PCDHA3: variants seen among roughly 807,000 people sequenced by gnomAD.
PCDHA3 encodes protocadherin alpha-3.
A neutral mutation model predicts 62.2 loss-of-function variants in PCDHA3; 41 were observed. The observed-to-expected ratio is 0.66, with a 90% CI of 0.51 to 0.86. The LOEUF (loss-of-function observed/expected upper bound fraction) is 0.86. Ranked by LOEUF, PCDHA3 falls within the 40% of genes least tolerant of loss-of-function variation. PCDHA3 has a pLI of 0.00. For synonymous variants in PCDHA3, 640 were observed against 555.4 expected, an observed-to-expected ratio of 1.15 and a Z score of -2.14; for missense variants, 1,304 against 1,241.2, an observed-to-expected ratio of 1.05 and a Z score of -0.76.
At chr5:140,823,656 A>G (rs2150127966) in intron 1 of PCDHA3, 2 of 1,613,972 alleles carry the variant, frequency 1.2e-6, no homozygotes, top group Non-Finnish European at 1.7e-6. Flanking sequence ...GGCTGTACAC[A>G]GGCGAGATCA....
At chr5:140,999,280 T>C (rs782502393) in intron 3 of PCDHA3, among the ~76,000 whole-genome samples, 2 of 152,228 alleles carry the variant, frequency 1.3e-5, no homozygotes, top group Non-Finnish European at 2.9e-5. Context: ...ATAGTAGTAA[T>C]ACCCATTCTT....
chr5:140,842,399 C>A, intron 1 of PCDHA3: 1 of 1,611,446 alleles, frequency 6.2e-7, no homozygotes, highest in Non-Finnish European at 8.5e-7. Flanking sequence ...CTTGCCTGTA[C>A]GTGAAGACGC....
chr5:140,882,382 A>G (rs782774831), intron 1 of PCDHA3: 5 of 1,614,092 alleles, frequency 3.1e-6, no homozygotes, highest in Non-Finnish European at 4.2e-6. Context: ...TCCCCGAGGA[A>G]GCAAAACACG....
intron 1 of PCDHA3, chr5:140,806,949 TGG>T: frequency 1.7e-6 from 1 of 585,050 alleles, no homozygotes. Context: ...GTAGAGTGTG[TGG>T]GGGTTTCCAC....
At chr5:140,837,860 G>A (rs2150280331) in intron 1 of PCDHA3, among the ~76,000 whole-genome samples, 4 of 151,378 alleles carry the variant, frequency 2.6e-5, no homozygotes, top group Admixed American at 6.6e-5. Context: ...TTTTATTTTT[G>A]TAGAGACAGG....
chr5:140,882,262 G>A (rs907928710), intron 1 of PCDHA3: 14 of 1,605,126 alleles, frequency 8.7e-6, no homozygotes, highest in Non-Finnish European at 1.2e-5. Flanking sequence ...GGTTTTTGGA[G>A]TGTACCATGC....
At chr5:140,822,934 T>G in intron 1 of PCDHA3, 10 of 1,614,238 alleles carry the variant, frequency 6.2e-6, no homozygotes, top group Non-Finnish European at 6.8e-6. Flanking sequence ...GGTGACCTGC[T>G]CCCTAATGCC....
At chr5:140,964,212 A>G (rs1195642946) in intron 1 of PCDHA3, among the ~76,000 whole-genome samples, 11 of 152,244 alleles carry the variant, frequency 7.2e-5, no homozygotes, top group African/African-American at 2.7e-4. Flanking sequence ...TCTTTAGTAC[A>G]ATGTCTTTCA....
In PCDHA3 at chr5:140,803,551, G is replaced by A. The variant is rs374412215; in HGVS notation, c.2354G>A (p.Arg785Lys). 3.6e-5 allele frequency: 58 copies of A among 1,614,242 alleles called. No individual in the cohort carries two copies. The African/African-American group carries it at 4.8e-4, about 13-fold the overall frequency. ...CCTCCTTGTCCAATTAGCCGGGATAGAGAGGAGAAACAGGATGTGGACGTT... is the reference window on the plus strand; with the variant it reads ...CCTCCTTGTCCAATTAGCCGGGATAAAGAGGAGAAACAGGATGTGGACGTT... Reference protein sequence around the residue: ...SLPPCPISRDREEKQDVDVDL... With the variant: ...SLPPCPISRDKEEKQDVDVDL... Residue 785 changes from arginine to lysine, a missense_variant, in exon 1 of 4, where the codon AGA (arginine) becomes AAA (lysine). Arg to Lys is a conservative substitution (Grantham distance 26, BLOSUM62 2). Transcript: ENST00000522353.
At chr5:140,942,757 T>C (rs2093364947) in intron 1 of PCDHA3, among the ~76,000 whole-genome samples, 1 of 152,174 alleles carries the variant, frequency 6.6e-6, no homozygotes, top group South Asian at 2.1e-4. Context: ...ATAAATGAGA[T>C]GGCATAATGT....
intron 1 of PCDHA3, chr5:140,882,139 A>G (rs1185324508): frequency 6.0e-6 from 9 of 1,489,890 alleles, no homozygotes; most frequent in South Asian, 4.2e-5. Context: ...TGCAGAAAAT[A>G]TAGCAGAAAG....
chr5:140,850,669 C>T lies in PCDHA3; in HGVS notation c.2394+47078C>T, dbSNP rs2150493050. 128 of 1,598,504 alleles carry T rather than the reference C, an allele frequency of 8.0e-5. 13 individuals are homozygous for T. The highest frequency in any genetic ancestry group is 3.3e-4 in the Middle Eastern group (2 of 5,998). The stretch of plus-strand genomic sequence containing the variant: ...CTGTACACTGTGCTGCGGTGCTCGG[C>T]GATGCCCACCGAGGGCGAGTGCGCG... On this transcript the variant is annotated intron_variant, in intron 1 of 3. Transcript: ENST00000522353.
chr5:140,902,324 C>T (rs1554190388), intron 1 of PCDHA3, among the ~76,000 whole-genome samples: 1 of 151,472 alleles, frequency 6.6e-6, no homozygotes, highest in Non-Finnish European at 1.5e-5. Flanking sequence ...AGGTGTAACT[C>T]ACTTCGCCTG....
intron 1 of PCDHA3, among the ~76,000 whole-genome samples, chr5:140,934,801 A>G (rs1470129792): frequency 1.3e-5 from 2 of 152,194 alleles, no homozygotes; most frequent in Non-Finnish European, 2.9e-5. Flanking sequence ...TATCTTTTTA[A>G]TGATCAAATT....
intron 1 of PCDHA3, chr5:140,817,147 A>G (rs1185390930): frequency 1.3e-5 from 2 of 152,232 alleles, no homozygotes; most frequent in Non-Finnish European, 2.9e-5. Flanking sequence ...GCCAGGTTCC[A>G]TCAGTGCTCT....
chr5:140,828,954 T>G, intron 1 of PCDHA3: 1 of 1,614,236 alleles, frequency 6.2e-7, no homozygotes, highest in Non-Finnish European at 8.5e-7. Flanking sequence ...GTTGCAGCCA[T>G]GGTTATTGAC....
At chr5:140,955,096 T>G (rs1366148224) in intron 1 of PCDHA3, among the ~76,000 whole-genome samples, 1 of 152,178 alleles carries the variant, frequency 6.6e-6, no homozygotes, top group Non-Finnish European at 1.5e-5. Flanking sequence ...GTGTGTGGTG[T>G]TATTTCTGAG....
Position 140,978,996 on chromosome 5 carries a change from A to C in PCDHA3, c.2442A>C (p.Ala814=). Residue 814 remains alanine, a synonymous_variant, in exon 2 of 4, where the codon GCA becomes GCC. Transcript: ENST00000522353. ...GGCGTTACTCTGCCTCCCTGAGAGC[A>C]GGCATGCACAGGTATGTATTTCCCT... ...PDWRYSASLR[A]GMHSSVHLEE... is the part of the protein sequence containing the mutation. 6.2e-7 allele frequency: 1 copy of C among 1,614,186 alleles called. No individual in the cohort carries two copies. The highest frequency in any genetic ancestry group is 8.5e-7 in the Non-Finnish European group (1 of 1,180,024).
chr5:140,850,124 G>C lies in PCDHA3; in HGVS notation c.2394+46533G>C, dbSNP rs1321633502. On this transcript the variant is annotated intron_variant, in intron 1 of 3. Coordinates refer to ENST00000522353, the MANE Select transcript of PCDHA3 (RefSeq NM_018906.3). ...TGAGCGCGCGCGACGCGGGCGTGCCGCCTCTGGGCAGCAACGTGACGCTGC... is the reference window on the plus strand; with the variant it reads ...TGAGCGCGCGCGACGCGGGCGTGCCCCCTCTGGGCAGCAACGTGACGCTGC... The C allele has an allele frequency of 1.9e-6, 3 of 1,595,828 alleles. 1 individual carries two copies. The highest frequency in any genetic ancestry group is 2.7e-5 in the African/African-American group (2 of 74,384).
Sources: allele counts gnomAD v4.1 joint callset (sites outside exome capture counted in the v4.1 genomes callset), GRCh38; gene constraint gnomAD v4.1.1; transcripts MANE v1.5; gene names NCBI Gene and HGNC (gene_info 2026-07-23, HGNC 2026-07-21).